PSD3: variants seen among roughly 807,000 people sequenced by gnomAD.
PSD3 encodes pleckstrin and Sec7 domain containing 3, also known as PH and SEC7 domain-containing protein 3.
A neutral mutation model predicts 105.5 loss-of-function variants in PSD3; 49 were observed. That is an observed-to-expected ratio of 0.46 (90% CI 0.37 to 0.59). The LOEUF is 0.59. Among genes scored for constraint, PSD3 ranks in the 20% least tolerant of loss-of-function variants. The probability of loss-of-function intolerance (pLI) is 0.00; values close to 1 mark genes in which losing one functional copy is unlikely to be tolerated. For missense variants in PSD3, 1,561 were observed against 1,263.8 expected (o/e 1.24, Z -3.57); for synonymous variants, 557 against 457.8 (o/e 1.22, Z -2.77).
intron 15 of PSD3, among the ~76,000 whole-genome samples, chr8:18,554,456 A>G (rs1178275633): frequency 6.6e-6 from 1 of 152,124 alleles, no homozygotes; most frequent in East Asian, 1.9e-4. Context: ...AGAAACGTTT[A>G]CCTTTACCAA....
intron 1 of PSD3, among the ~76,000 whole-genome samples, chr8:19,047,863 T>C (rs976418254): frequency 1.3e-5 from 2 of 152,078 alleles, no homozygotes; most frequent in African/African-American, 4.8e-5. Flanking sequence ...CAGGTGGGCC[T>C]CTTAGTCGGA....
At chr8:18,655,856 G>A (rs1298328913) in intron 9 of PSD3, among the ~76,000 whole-genome samples, 171 bp from the exon 10 acceptor site, 1 of 152,146 alleles carries the variant, frequency 6.6e-6, no homozygotes, top group South Asian at 2.1e-4. Flanking sequence ...TGAGCATTGG[G>A]TGAACAACGA....
intron 12 of PSD3, among the ~76,000 whole-genome samples, chr8:18,590,807 A>G (rs1398614968): frequency 6.6e-6 from 1 of 152,196 alleles, no homozygotes; most frequent in African/African-American, 2.4e-5. Flanking sequence ...GGACAGAAGA[A>G]ACAAAACCAT....
In PSD3 at chr8:18,750,621, T is replaced by C. The variant is rs550070565; in HGVS notation, c.2172+14828A>G. The stretch of plus-strand genomic sequence containing the variant: ...TGCTGGCTCCGGCAGCCTGCTTTTA[T>C]TCTCTTATCTGGCCCCACCCACATC... On this transcript the variant is annotated intron_variant, in intron 9 of 15. Transcript: ENST00000327040. 2.0e-5 allele frequency among the ~76,000 whole-genome samples: 3 copies of C among 152,220 alleles called. No homozygotes were observed. In the South Asian group the frequency reaches 6.2e-4, roughly 32 times the overall value.
intron 2 of PSD3, among the ~76,000 whole-genome samples, chr8:18,896,857 CT>C (rs1819182505): frequency 1.3e-5 from 2 of 152,084 alleles, no homozygotes; most frequent in Admixed American, 1.3e-4. Context: ...GTTGCCCAGG[CT>C]GGAGTGCAAT....
intron 9 of PSD3, among the ~76,000 whole-genome samples, chr8:18,696,713 G>A (rs1801280980): frequency 6.6e-6 from 1 of 152,098 alleles, no homozygotes; most frequent in Non-Finnish European, 1.5e-5. Context: ...CATTTTTACT[G>A]CACTAGTTCT....
chr8:18,825,322 T>G lies in PSD3; in HGVS notation c.1635-20424A>C, dbSNP rs186181080. Among the ~76,000 whole-genome samples the G allele has an allele frequency of 3.9e-5, 6 of 152,274 alleles. No homozygotes were observed. In the East Asian group the frequency reaches 7.7e-4, roughly 20 times the overall value. On this transcript the variant is annotated intron_variant, in intron 4 of 15. Coordinates refer to ENST00000327040, the MANE Select transcript of PSD3 (RefSeq NM_015310.4). ...AGACCACCAGACTCTCCAAATTCAGTGTCTGTAAGAGTCACCTGGGAAGCT... is the reference window on the plus strand; with the variant it reads ...AGACCACCAGACTCTCCAAATTCAGGGTCTGTAAGAGTCACCTGGGAAGCT...
intron 11 of PSD3, among the ~76,000 whole-genome samples, chr8:18,622,173 A>C (rs73585818): frequency 0.019 from 2,952 of 152,324 alleles, 95 homozygotes; most frequent in African/African-American, 0.068. Flanking sequence ...TAATATTTCA[A>C]ATTCAGAACT....
chr8:18,663,304 G>A (rs146684453), intron 9 of PSD3, among the ~76,000 whole-genome samples: 2 of 152,270 alleles, frequency 1.3e-5, no homozygotes, highest in African/African-American at 2.4e-5. Context: ...ACACGTGCCT[G>A]TAGTCCCAGC....
intron 3 of PSD3, among the ~76,000 whole-genome samples, chr8:18,870,500 G>A (rs546105735): frequency 1.3e-5 from 2 of 152,194 alleles, no homozygotes; most frequent in South Asian, 4.2e-4. Context: ...TGGGCACAGG[G>A]AGGGGAATAT....
chr8:18,942,686 G>A (rs747331655), intron 1 of PSD3, among the ~76,000 whole-genome samples: 2 of 152,174 alleles, frequency 1.3e-5, no homozygotes, highest in Non-Finnish European at 2.9e-5. Flanking sequence ...CAGGGAGAAG[G>A]TGGCCATCTG....
chr8:18,958,906 G>A (rs1324121228), intron 1 of PSD3, among the ~76,000 whole-genome samples: 2 of 144,076 alleles, frequency 1.4e-5, no homozygotes, highest in Non-Finnish European at 3.0e-5. Context: ...AGGATACAGA[G>A]GAGTTAAGTG....
chr8:19,029,548 G>A (rs567741384), intron 1 of PSD3, among the ~76,000 whole-genome samples: 1 of 152,076 alleles, frequency 6.6e-6, no homozygotes, highest in African/African-American at 2.4e-5. Flanking sequence ...CAAGGAGAAG[G>A]GCAGAGCAAA....
Position 18,765,400 on chromosome 8 carries a change from G to C in PSD3, c.2172+49C>G, listed in dbSNP as rs765108558. The C allele has an allele frequency of 7.4e-6, 11 of 1,483,762 alleles. 1 individual carries two copies. The South Asian group carries it at 1.2e-4, about 17-fold the overall frequency. 91.9% of individuals were successfully genotyped at this position (1,483,762 alleles called of 1,614,324 possible). A position where few individuals can be genotyped will look rare whatever the true frequency, so the allele number is the denominator to read the frequency against. ...CCTACTTAGGATTAAGCTGTAAGCA[G>C]CAAACAGAAATACAAGCATACACTA... On this transcript the variant is annotated intron_variant, in intron 9 of 15. Transcript: ENST00000327040.
chr8:18,834,776 C>T (rs1813968026), intron 4 of PSD3, among the ~76,000 whole-genome samples: 1 of 152,142 alleles, frequency 6.6e-6, no homozygotes, highest in South Asian at 2.1e-4. Context: ...GAAGCAGACC[C>T]TTCAGTTCTT....
chr8:18,864,820 C>T (rs1816705824), intron 4 of PSD3: 1 of 152,068 alleles, frequency 6.6e-6, no homozygotes, highest in African/African-American at 2.4e-5. Context: ...ACCTCAATGT[C>T]CACTTCCTTG....
At chr8:18,913,649 C>T (rs576748782) in intron 2 of PSD3, among the ~76,000 whole-genome samples, 3 of 152,128 alleles carry the variant, frequency 2.0e-5, no homozygotes, top group African/African-American at 7.2e-5. Flanking sequence ...GACCCAGTCT[C>T]CAGGCAGGAC....
chr8:18,717,142 G>A (rs561530970), intron 9 of PSD3, among the ~76,000 whole-genome samples: 36 of 152,084 alleles, frequency 2.4e-4, no homozygotes, highest in African/African-American at 8.2e-4. Context: ...TTTTGTTCCC[G>A]TCTCCAATAT....
rs1463447535 is a variant in PSD3, at chr8:18,752,567, A to ACATATAT, written c.2172+12881_2172+12882insATATATG. On this transcript the variant is annotated intron_variant, in intron 9 of 15. Coordinates refer to ENST00000327040, the MANE Select transcript of PSD3 (RefSeq NM_015310.4). Reference sequence around the variant, plus strand: ...TATATTATATATAATTATATATATTATATATATAATTATATATATTATATA... The same window carrying ACATATAT: ...TATATTATATATAATTATATATATTACATATATTATATATAATTATATATATTATATA... Among the ~76,000 whole-genome samples the ACATATAT allele has an allele frequency of 1.2e-3, 98 of 78,712 alleles. 5 individuals carry two copies. The highest frequency in any genetic ancestry group is 5.1e-3 in the Middle Eastern group (1 of 198). 51.6% of individuals were successfully genotyped at this position (78,712 alleles called of 152,430 possible).
Sources: gnomAD v4.1 joint callset for allele counts (sites outside exome capture counted in the v4.1 genomes callset) on GRCh38, gnomAD v4.1.1 for gene constraint, MANE v1.5 for transcripts, NCBI Gene and HGNC (gene_info 2026-07-23, HGNC 2026-07-21) for gene names.